Variants in WWC1 observed in about 807,000 individuals in gnomAD.
WWC1 encodes the protein WW and C2 domain containing 1, also known as protein KIBRA.
WWC1 carries 55 observed loss-of-function variants against 138.4 expected under a neutral mutation model. That is an observed-to-expected ratio of 0.40 (90% CI 0.32 to 0.50). The LOEUF (loss-of-function observed/expected upper bound fraction) is 0.50. WWC1 is among the 20% of genes least tolerant of loss of function. WWC1 has a pLI of 0.72. For missense variants in WWC1, 1,226 were observed against 1,420.4 expected, an observed-to-expected ratio of 0.86 and a Z score of 2.20; for synonymous variants, 524 against 564.9, an observed-to-expected ratio of 0.93 and a Z score of 1.03.
At chr5:168,327,215 G>A (rs1012811646) in intron 1 of WWC1, among the ~76,000 whole-genome samples, 10 of 152,128 alleles carry the variant, frequency 6.6e-5, no homozygotes, top group Admixed American at 3.3e-4. Context: ...AAATATCTTA[G>A]CATGACTCAG....
intron 15 of WWC1, among the ~76,000 whole-genome samples, chr5:168,433,576 C>G (rs766884272): frequency 3.3e-5 from 5 of 152,202 alleles, no homozygotes; most frequent in Non-Finnish European, 5.9e-5. Flanking sequence ...GAGTCCTGCT[C>G]TCAGTCTCTG....
chr5:168,335,340 G>C (rs1773368436), intron 1 of WWC1, among the ~76,000 whole-genome samples: 1 of 152,208 alleles, frequency 6.6e-6, no homozygotes, highest in African/African-American at 2.4e-5. Context: ...GAACATCTAG[G>C]CCAGCCATGG....
intron 17 of WWC1, among the ~76,000 whole-genome samples, chr5:168,449,009 G>C (rs1755548933): frequency 6.6e-6 from 1 of 152,138 alleles, no homozygotes; most frequent in Non-Finnish European, 1.5e-5. Context: ...TCAAACTGCT[G>C]TAACTTAATT....
chr5:168,467,990 C>T, intron 22 of WWC1, 26 bp downstream of exon 22: 3 of 1,613,148 alleles, frequency 1.9e-6, no homozygotes, highest in Non-Finnish European at 2.5e-6. Flanking sequence ...CGGCAGCCCC[C>T]CATCCCTTTC....
chr5:168,316,951 T>A (rs1372286352), intron 1 of WWC1: 1 of 152,204 alleles, frequency 6.6e-6, no homozygotes, highest in Non-Finnish European at 1.5e-5. Flanking sequence ...ATTGTTATCA[T>A]TTGGTCAAGA....
intron 2 of WWC1, among the ~76,000 whole-genome samples, chr5:168,372,994 GCTT>G (rs1377271671): frequency 4.6e-5 from 7 of 152,236 alleles, no homozygotes; most frequent in Non-Finnish European, 8.8e-5. Context: ...GTGTAGAAGA[GCTT>G]CTGAGAGACA....
At chr5:168,309,095 C>G (rs1302142100) in intron 1 of WWC1, among the ~76,000 whole-genome samples, 1 of 152,148 alleles carries the variant, frequency 6.6e-6, no homozygotes, top group Non-Finnish European at 1.5e-5. Context: ...GTGGTATCCT[C>G]CTTGACCTCC....
Position 168,292,300 on chromosome 5 carries a change from C to G in WWC1, c.119+29C>G, listed in dbSNP as rs1561571540. Reference sequence around the variant, plus strand: ...GGACCCTGGAACCCTCCTCCGTGCCCCCACACCCCCGCCTGGGCCCCCACC... The same window carrying G: ...GGACCCTGGAACCCTCCTCCGTGCCGCCACACCCCCGCCTGGGCCCCCACC... On this transcript the variant is annotated intron_variant, in intron 1 of 22. Transcript: ENST00000265293. The surrounding 1 kb of genome is among the most constrained non-coding windows in gnomAD (Gnocchi z 4.4). 2 of 1,564,804 alleles carry G rather than the reference C, an allele frequency of 1.3e-6. No individual in the cohort carries two copies. The highest frequency in any genetic ancestry group is 2.7e-5 in the African/African-American group (2 of 73,400).
rs767792024 is a variant in WWC1 at position 168,423,584 on chromosome 5, C to T, written c.1326C>T (p.Leu442=). 6 of 1,614,070 alleles carry T rather than the reference C, an allele frequency of 3.7e-6. No individual in the cohort carries two copies. Among genetic ancestry groups the T allele is most frequent in the Non-Finnish European group, 5.1e-6 (6 of 1,180,000 alleles). ...SLSSGSSPGS[L]TSSRGSLVAS... ...CCTCAGGCAGCAGCCCCGGATCCCT[C>T]ACGTCCAGCCGGGGCTCCCTGGTTG... The change falls in exon 11 of 23, where the codon CTC becomes CTT. Residue 442 remains leucine (L), a synonymous_variant. Transcript: ENST00000265293.
chr5:168,299,470 G>A (rs910879866), intron 1 of WWC1, among the ~76,000 whole-genome samples: 1 of 152,188 alleles, frequency 6.6e-6, no homozygotes, highest in Non-Finnish European at 1.5e-5. Flanking sequence ...GGGACTCTTT[G>A]AAGGATGCAG....
intron 1 of WWC1, among the ~76,000 whole-genome samples, chr5:168,309,350 C>G (rs1189424151): frequency 3.4e-5 from 5 of 146,630 alleles, no homozygotes; most frequent in African/African-American, 8.3e-5. Flanking sequence ...GTCCTGGTCT[C>G]AAACAACTTT....
intron 9 of WWC1, 110 bp from the exon 10 acceptor site, chr5:168,421,898 C>A: frequency 2.3e-6 from 2 of 859,152 alleles, no homozygotes; most frequent in South Asian, 1.4e-5. Flanking sequence ...ATGCCGTGGT[C>A]AAATGCTTTA....
At position 168,423,736 on chromosome 5, in the gene WWC1, G is replaced by A. The variant is rs138517446; in HGVS notation, c.1478G>A (p.Arg493Gln). ...CTCCTGGAGGGGGCCACCGGCTTCC[G>A]GCCCTCAGGCTGCATCACCACCATC... ...FLLLEGATGF[R>Q]PSGCITTIHE... Residue 493 changes from arginine to glutamine, a missense_variant, in exon 11 of 23, where the codon CGG (arginine) becomes CAG (glutamine). Physicochemically the swap from Arg to Gln is conservative, Grantham distance 43. This residue lies in a region of WWC1 where 1,016 missense variants were observed against 1,153.9 expected (regional missense o/e 0.88). Coordinates refer to ENST00000265293, the MANE Select transcript of WWC1 (RefSeq NM_015238.3). 41 of 1,613,834 alleles carry A rather than the reference G, an allele frequency of 2.5e-5. No individual in the cohort carries two copies. In the East Asian group the frequency reaches 4.5e-4, roughly 18 times the overall value.
chr5:168,304,864 C>T (rs895817087), intron 1 of WWC1, among the ~76,000 whole-genome samples: 1 of 150,366 alleles, frequency 6.7e-6, no homozygotes, highest in African/African-American at 2.4e-5. Context: ...GTCTCACTCT[C>T]ACCCAGGTTG....
At chr5:168,358,818 A>G (rs963959552) in intron 1 of WWC1, among the ~76,000 whole-genome samples, 5 of 152,064 alleles carry the variant, frequency 3.3e-5, no homozygotes, top group Admixed American at 6.5e-5. Flanking sequence ...ACATACATGT[A>G]TACGTACACA....
chr5:168,392,680 A>G (rs1778592704), intron 3 of WWC1, among the ~76,000 whole-genome samples: 1 of 152,188 alleles, frequency 6.6e-6, no homozygotes, highest in East Asian at 1.9e-4. Context: ...GGCAACAGAC[A>G]CCTGTCTCTT....
chr5:168,428,243 G>C (rs1167024566), intron 12 of WWC1, 102 bp downstream of exon 12: 4 of 1,158,106 alleles, frequency 3.5e-6, no homozygotes, highest in East Asian at 5.3e-5. Context: ...GGCCCCCACA[G>C]TGTGTGGGAG....
chr5:168,439,806 T>C (rs1754591891), intron 15 of WWC1, among the ~76,000 whole-genome samples: 1 of 152,228 alleles, frequency 6.6e-6, no homozygotes, highest in African/African-American at 2.4e-5. Context: ...TAGATATGAC[T>C]AAATTCCTTC....
chr5:168,444,234 GCTAAA>G (rs1755036394), intron 16 of WWC1, among the ~76,000 whole-genome samples: 1 of 152,212 alleles, frequency 6.6e-6, no homozygotes, highest in African/African-American at 2.4e-5. Flanking sequence ...TCACTTCACT[GCTAAA>G]CTTGGCTATC....
Sources: allele counts gnomAD v4.1 joint callset (sites outside exome capture counted in the v4.1 genomes callset), GRCh38; gene constraint gnomAD v4.1.1; regional missense constraint gnomAD v4.1.1; non-coding constraint Gnocchi (gnomAD v3.1); transcripts MANE v1.5; gene names NCBI Gene and HGNC (gene_info 2026-07-23, HGNC 2026-07-21).